Variants in ABTB3 observed in about 807,000 individuals in gnomAD.
ABTB3 encodes ankyrin repeat and BTB domain containing 3.
chr12:107,535,336 AAAAGCTG>A, the ABTB3 span, among the ~76,000 whole-genome samples: 2 of 152,192 alleles, frequency 1.3e-5, no homozygotes, highest in African/African-American at 2.4e-5. Flanking sequence ...TTTAATGGGG[AAAAGCTG>A]AAAGCCTTTG....
chr12:107,426,870 C>T, the ABTB3 span, among the ~76,000 whole-genome samples: 151 of 152,298 alleles, frequency 9.9e-4, 1 homozygote, highest in East Asian at 0.013. Flanking sequence ...ACCTTCCCCA[C>T]GCCCACTGCT....
the ABTB3 span, among the ~76,000 whole-genome samples, chr12:107,401,593 T>TG: frequency 2.6e-5 from 4 of 152,220 alleles, no homozygotes; most frequent in African/African-American, 9.6e-5. Context: ...ATTTAAAGGC[T>TG]GGTGCTTGAT....
At chr12:107,511,128 G>T in the ABTB3 span, among the ~76,000 whole-genome samples, 1 of 151,986 alleles carries the variant, frequency 6.6e-6, no homozygotes, top group African/African-American at 2.4e-5. Context: ...TGCCATCCCC[G>T]CCTTCCTACA....
the ABTB3 span, among the ~76,000 whole-genome samples, chr12:107,654,914 A>AT: frequency 0.082 from 12,069 of 147,252 alleles, 725 homozygotes; most frequent in African/African-American, 0.17. Flanking sequence ...GGACACAAGC[A>AT]TTTTTTTTTT....
the ABTB3 span, among the ~76,000 whole-genome samples, chr12:107,477,980 A>G: frequency 6.6e-6 from 1 of 152,208 alleles, no homozygotes; most frequent in East Asian, 1.9e-4. Context: ...ACCTGAGGGG[A>G]ATTTCCTCTA....
At chr12:107,541,449 C>T in the ABTB3 span, among the ~76,000 whole-genome samples, 1 of 152,202 alleles carries the variant, frequency 6.6e-6, no homozygotes, top group Admixed American at 6.5e-5. Context: ...CTCTCTTTCT[C>T]TGTAGCGAGA....
chr12:107,345,705 A>T, the ABTB3 span, among the ~76,000 whole-genome samples: 3 of 152,224 alleles, frequency 2.0e-5, no homozygotes, highest in Non-Finnish European at 4.4e-5. Flanking sequence ...GAGACAAAAA[A>T]AAATGCCCAT....
chr12:107,436,782 G>A, the ABTB3 span, among the ~76,000 whole-genome samples: 1 of 152,118 alleles, frequency 6.6e-6, no homozygotes, highest in Non-Finnish European at 1.5e-5. Context: ...CATGTCATAG[G>A]TGCTTTATAA....
the ABTB3 span, among the ~76,000 whole-genome samples, chr12:107,576,848 C>G: frequency 2.0e-5 from 3 of 152,164 alleles, no homozygotes; most frequent in Non-Finnish European, 4.4e-5. Context: ...GTGGCTCAAG[C>G]ATCCAACCAT....
chr12:107,449,060 C>T, the ABTB3 span, among the ~76,000 whole-genome samples: 6 of 152,346 alleles, frequency 3.9e-5, no homozygotes, highest in South Asian at 1.2e-3. Flanking sequence ...GTGCCTGGGG[C>T]CATGCTTATG....
chr12:107,595,562 C>T, the ABTB3 span, among the ~76,000 whole-genome samples: 10 of 152,096 alleles, frequency 6.6e-5, no homozygotes, highest in Admixed American at 6.5e-4. Context: ...TACCTGGCAT[C>T]TAATAGTTTG....
At chr12:107,613,681 T>C in the ABTB3 span, among the ~76,000 whole-genome samples, 1 of 152,144 alleles carries the variant, frequency 6.6e-6, no homozygotes, top group Non-Finnish European at 1.5e-5. Context: ...CCCAACCTCG[T>C]CATAGGTGAA....
chr12:107,461,459 C>G, the ABTB3 span, among the ~76,000 whole-genome samples: 3 of 152,086 alleles, frequency 2.0e-5, no homozygotes, highest in Non-Finnish European at 2.9e-5. Context: ...CTGGGAGCCT[C>G]CAGAAGCCAG....
the ABTB3 span, chr12:107,612,823 C>T: frequency 1.9e-6 from 3 of 1,613,916 alleles, no homozygotes; most frequent in Non-Finnish European, 1.7e-6. Context: ...GGGGACGAGG[C>T]GATGGTTCAG....
At chr12:107,396,555 G>A in the ABTB3 span, among the ~76,000 whole-genome samples, 3,758 of 151,328 alleles carry the variant, frequency 0.025, 58 homozygotes, top group African/African-American at 0.033. Context: ...CTCAGGGAAG[G>A]TGGGTCCAAA....
the ABTB3 span, among the ~76,000 whole-genome samples, chr12:107,400,861 A>T: frequency 6.6e-6 from 1 of 152,108 alleles, no homozygotes; most frequent in African/African-American, 2.4e-5. Flanking sequence ...AGGAAAATGG[A>T]CTGGCAGTGA....
chr12:107,358,754 A>G, the ABTB3 span, among the ~76,000 whole-genome samples: 4 of 152,072 alleles, frequency 2.6e-5, no homozygotes, highest in African/African-American at 7.2e-5. Context: ...ACCACCACAC[A>G]CAGCTAAGTT....
the ABTB3 span, among the ~76,000 whole-genome samples, chr12:107,503,091 G>A: frequency 6.6e-6 from 1 of 152,164 alleles, no homozygotes; most frequent in Non-Finnish European, 1.5e-5. Flanking sequence ...TTGGTCAGGG[G>A]GCAGAAGGAA....
the ABTB3 span, among the ~76,000 whole-genome samples, chr12:107,645,249 G>C: frequency 6.6e-6 from 1 of 152,164 alleles, no homozygotes; most frequent in African/African-American, 2.4e-5. Flanking sequence ...TTACAGGCGT[G>C]AGCCACTGCG....
Sources: allele counts gnomAD v4.1 joint callset (sites outside exome capture counted in the v4.1 genomes callset), GRCh38; gene constraint gnomAD v4.1.1; transcripts MANE v1.5; gene names NCBI Gene and HGNC (gene_info 2026-07-23, HGNC 2026-07-21).